MKLN1: variants seen among roughly 807,000 people sequenced by gnomAD.
The protein encoded by MKLN1 is muskelin.
A neutral mutation model predicts 99.0 loss-of-function variants in MKLN1; 18 were observed. The ratio of observed to expected loss-of-function variants is 0.18; its 90% CI spans 0.13 to 0.27. The LOEUF (loss-of-function observed/expected upper bound fraction) is 0.27. MKLN1 is among the 10% of genes least tolerant of loss of function. The pLI is 1.00. For missense variants in MKLN1, 621 were observed against 875.9 expected, an observed-to-expected ratio of 0.71 and a Z score of 3.67; for synonymous variants, 288 against 293.2, an observed-to-expected ratio of 0.98 and a Z score of 0.18.
Position 131,464,360 on chromosome 7 carries a change from A to G in MKLN1, c.1740A>G (p.Glu580=). 1 of 1,613,770 alleles carries G rather than the reference A, an allele frequency of 6.2e-7. No individual in the cohort carries two copies. The highest frequency in any genetic ancestry group is 8.5e-7 in the Non-Finnish European group (1 of 1,179,786). Residue 580 remains glutamate, a synonymous_variant, in exon 14 of 18, where the codon GAA becomes GAG. Transcript: ENST00000352689. ...DNPTKSLQEE[E]PCPRFAHQLV... The stretch of plus-strand genomic sequence containing the variant: ...CAACTAAAAGTCTTCAGGAAGAAGA[A>G]CCATGTCCAAGGTTTGCCCATCAGC...
intron 3 of MKLN1, among the ~76,000 whole-genome samples, chr7:131,226,463 A>C (rs1797149120): frequency 1.3e-5 from 2 of 152,140 alleles, no homozygotes; most frequent in Non-Finnish European, 2.9e-5. Flanking sequence ...GATGATCCGC[A>C]CTTTTCCTTT....
At chr7:131,157,707 G>A (rs371606378) in intron 2 of MKLN1, among the ~76,000 whole-genome samples, 1 of 151,976 alleles carries the variant, frequency 6.6e-6, no homozygotes, top group Non-Finnish European at 1.5e-5. Flanking sequence ...TACATTACCC[G>A]AGAAGCTGGT....
chr7:131,433,051 C>A (rs1380232761), intron 9 of MKLN1, among the ~76,000 whole-genome samples: 2 of 152,146 alleles, frequency 1.3e-5, no homozygotes, highest in Non-Finnish European at 2.9e-5. Flanking sequence ...CCCAATAATG[C>A]CCCAGTAATG....
rs1473176093 is a variant in MKLN1 at position 131,491,026 on chromosome 7, A to G, written c.*3298A>G. 6.6e-6 allele frequency: 1 copy of G among 152,176 alleles called. No individual in the cohort carries two copies. The highest frequency in any genetic ancestry group is 2.4e-5 in the African/African-American group (1 of 41,442). The allele number at this position is 152,176 out of a possible 1,614,324, so 9.4% of individuals were successfully genotyped here. A position where few individuals can be genotyped will look rare whatever the true frequency, so the allele number is the denominator to read the frequency against. ...TTATACTCAATTTCATGGTAATTAC[A>G]TGAAGAAGTTACCTGCAATTATTCT... is the stretch of plus-strand genomic sequence containing the variant. On this transcript the variant is annotated 3_prime_UTR_variant, in exon 18 of 18. Coordinates refer to ENST00000352689, the MANE Select transcript of MKLN1 (RefSeq NM_013255.5).
chr7:131,437,667 T>A lies in MKLN1; in HGVS notation c.961-118T>A. 5.2e-6 allele frequency: 4 copies of A among 773,780 alleles called. No individual in the cohort carries two copies. The South Asian group carries it at 7.5e-5, about 14-fold the overall frequency. 47.9% of individuals were successfully genotyped at this position (773,780 alleles called of 1,614,324 possible). On this transcript the variant is annotated intron_variant, in intron 9 of 17. Transcript: ENST00000352689. ...TATTGGTTGACTTGATGTGAGTTTC[T>A]GAGAAACCTTTTAATGAAAGGTAAT... is the stretch of plus-strand genomic sequence containing the variant.
At chr7:131,326,533 CGG>C (rs1245968492), upstream of MKLN1, among the ~76,000 whole-genome samples, 6 of 152,036 alleles carry the variant, frequency 3.9e-5, no homozygotes. Context: ...TTAGTAGAGA[CGG>C]GGTTTCACCA....
At position 131,320,159 on chromosome 7, in the gene MKLN1, C is replaced by T. The variant is rs184744254; in HGVS notation, c.-178-55265C>T. The stretch of plus-strand genomic sequence containing the variant: ...AAAAATAACAAAGTTGGAGGCAGCA[C>T]GCTACCTGACCTCAAACTATACTGC... On this transcript the variant is annotated intron_variant, in intron 3 of 7. Transcript: ENST00000416992. 1.1e-4 allele frequency among the ~76,000 whole-genome samples: 17 copies of T among 152,228 alleles called. No homozygotes were observed. In the East Asian group the frequency reaches 1.3e-3, roughly 12 times the overall value.
At chr7:131,362,391 A>G (rs961146017) in intron 1 of MKLN1, among the ~76,000 whole-genome samples, 3 of 152,028 alleles carry the variant, frequency 2.0e-5, no homozygotes, top group African/African-American at 4.8e-5. Context: ...TTTTGACAAT[A>G]AACTTTTCTT....
chr7:131,428,669 T>A (rs960969376), intron 8 of MKLN1, among the ~76,000 whole-genome samples: 2 of 152,176 alleles, frequency 1.3e-5, no homozygotes, highest in African/African-American at 4.8e-5. Context: ...ATGTAAAGTT[T>A]TCAAGGCCAA....
chr7:131,432,179 T>TAAGTAGAGTGAGGTAAGTAAGTAAGAGA (rs1468817389), intron 9 of MKLN1, among the ~76,000 whole-genome samples: 12 of 152,058 alleles, frequency 7.9e-5, no homozygotes, highest in Admixed American at 5.3e-4. Context: ...TACTCTTTAG[T>TAAGTAGAGTGAGGTAAGTAAGTAAGAGA]GAGTAAGTAG....
intron 3 of MKLN1, among the ~76,000 whole-genome samples, chr7:131,247,479 G>A (rs1797510073): frequency 6.6e-6 from 1 of 152,150 alleles, no homozygotes; most frequent in African/African-American, 2.4e-5. Context: ...TTCCCAAAGT[G>A]CTGGGATTAC....
At chr7:131,263,575 C>CT (rs71174935) in intron 3 of MKLN1, among the ~76,000 whole-genome samples, 24,417 of 142,534 alleles carry the variant, frequency 0.17, 2,295 homozygotes, top group South Asian at 0.39. Flanking sequence ...GATGATTGCA[C>CT]TTTTTTTTTT....
Position 131,126,390 on chromosome 7 carries a change from A to G in MKLN1, c.-419+16183A>G, listed in dbSNP as rs771587577. On this transcript the variant is annotated intron_variant, in intron 1 of 7. Coordinates refer to the MKLN1 transcript ENST00000416992. ...GCAGACTGTCATATGTGAGTAGTTA[A>G]GTGAAAAATAGAGTCATTTAACTAT... Among the ~76,000 whole-genome samples, 93 of 152,232 alleles carry G rather than the reference A, an allele frequency of 6.1e-4. 3 individuals carry two copies. Among genetic ancestry groups the G allele is most frequent in the Non-Finnish European group, 1.0e-4 (7 of 68,036 alleles).
At chr7:131,154,140 G>A (rs1246768961) in intron 2 of MKLN1, among the ~76,000 whole-genome samples, 1 of 152,024 alleles carries the variant, frequency 6.6e-6, no homozygotes, top group African/African-American at 2.4e-5. Flanking sequence ...AAATACATTT[G>A]CTTATATTAG....
intron 1 of MKLN1, among the ~76,000 whole-genome samples, chr7:131,336,617 C>T (rs973103381): frequency 9.9e-5 from 15 of 151,966 alleles, no homozygotes; most frequent in Non-Finnish European, 1.5e-5. Context: ...TTGGTGGTTA[C>T]GCTAGATCAC....
At chr7:131,447,044 T>C (rs945347733) in intron 12 of MKLN1, among the ~76,000 whole-genome samples, 2 of 152,178 alleles carry the variant, frequency 1.3e-5, no homozygotes, top group African/African-American at 2.4e-5. Flanking sequence ...CGAAACTTTT[T>C]ATAAAAAAGG....
chr7:131,268,561 C>T lies in MKLN1; in HGVS notation c.-179+65587C>T, dbSNP rs118033836. 6.0e-4 allele frequency among the ~76,000 whole-genome samples: 92 copies of T among 152,222 alleles called. 1 individual carries two copies. In the East Asian group the frequency reaches 0.017, roughly 28 times the overall value. ...TCTTCCATCTTGGGGCTCTGTCTTCCGTGGGGTTCCCAGAGTCCTTTCCAT... is the reference window on the plus strand; with the variant it reads ...TCTTCCATCTTGGGGCTCTGTCTTCTGTGGGGTTCCCAGAGTCCTTTCCAT... On this transcript the variant is annotated intron_variant, in intron 3 of 7. Transcript: ENST00000416992.
At chr7:131,254,104 C>G (rs1007959395) in intron 3 of MKLN1, among the ~76,000 whole-genome samples, 1 of 152,116 alleles carries the variant, frequency 6.6e-6, no homozygotes, top group East Asian at 1.9e-4. Flanking sequence ...AGGCAGAGAA[C>G]GTAACAGAGA....
rs1380521233 is a variant in MKLN1 at position 131,491,369 on chromosome 7, A to T, written c.*3641A>T. Reference sequence around the variant, plus strand: ...GATCTAGGATGTGAAGGCTGCCCAGAAAAAGTTTATGGCTGGAGGAGTATC... The same window carrying T: ...GATCTAGGATGTGAAGGCTGCCCAGTAAAAGTTTATGGCTGGAGGAGTATC... On this transcript the variant is annotated 3_prime_UTR_variant, in exon 18 of 18. Transcript: ENST00000352689. 2 of 152,158 alleles carry T rather than the reference A, an allele frequency of 1.3e-5. No homozygotes were observed. The highest frequency in any genetic ancestry group is 4.8e-5 in the African/African-American group (2 of 41,444). 9.4% of individuals were successfully genotyped at this position (152,158 alleles called of 1,614,324 possible).
Sources: allele counts gnomAD v4.1 joint callset (sites outside exome capture counted in the v4.1 genomes callset), GRCh38; gene constraint gnomAD v4.1.1; transcripts MANE v1.5; gene names NCBI Gene and HGNC (gene_info 2026-07-23, HGNC 2026-07-21).